HELQ: variants seen among roughly 807,000 people sequenced by gnomAD.
The protein encoded by HELQ is helicase POLQ-like.
In HELQ, 77 loss-of-function variants were observed where a neutral mutation model predicts 111.6. That is an observed-to-expected ratio of 0.69 (90% confidence interval 0.57 to 0.83). The LOEUF is 0.83. HELQ is among the 40% of genes least tolerant of loss of function. The pLI is 0.00. For missense variants in HELQ, 1,200 were observed against 1,288.5 expected, an observed-to-expected ratio of 0.93 and a Z score of 1.05; for synonymous variants, 438 against 454.7, an observed-to-expected ratio of 0.96 and a Z score of 0.47.
chr4:83,426,752 G>C (rs529872876), intron 13 of HELQ, among the ~76,000 whole-genome samples: 1 of 152,198 alleles, frequency 6.6e-6, no homozygotes, highest in East Asian at 1.9e-4. Context: ...TTTTAGAAGA[G>C]ACGGGGTTTC....
chr4:83,412,400 A>G (rs1034331430), intron 17 of HELQ, among the ~76,000 whole-genome samples: 2 of 152,204 alleles, frequency 1.3e-5, no homozygotes, highest in African/African-American at 4.8e-5. Flanking sequence ...TTCCTGGCTC[A>G]TAACTCCCAC....
chr4:83,429,506 ATT>A lies in HELQ; in HGVS notation c.2518+16_2518+17del. The stretch of plus-strand genomic sequence containing the variant: ...CAATGTGTTTCCTATGATCAATAAG[ATT>A]TAGGTAAACTCTTACCCTTAAATGA... On this transcript the variant is annotated intron_variant, in intron 12 of 17. Coordinates refer to ENST00000295488, the MANE Select transcript of HELQ (RefSeq NM_133636.5). 1 of 1,475,064 alleles carries A rather than the reference ATT, an allele frequency of 6.8e-7. No homozygotes were observed. Among genetic ancestry groups the A allele is most frequent in the Non-Finnish European group, 9.4e-7 (1 of 1,065,348 alleles). 91.4% of individuals were successfully genotyped at this position (1,475,064 alleles called of 1,614,324 possible). A position where few individuals can be genotyped will look rare whatever the true frequency, so the allele number is the denominator to read the frequency against.
intron 11 of HELQ, among the ~76,000 whole-genome samples, chr4:83,430,146 A>G (rs1720062652): frequency 6.6e-6 from 1 of 151,518 alleles, no homozygotes; most frequent in Non-Finnish European, 1.5e-5. Flanking sequence ...TTTAGCTCTA[A>G]AAGTTGCATT....
rs1738849542 is a variant in HELQ at position 83,407,365 on chromosome 4, T to C, written c.*88A>G. The C allele has an allele frequency of 1.3e-6, 1 of 771,886 alleles. No individual in the cohort carries two copies. The highest frequency in any genetic ancestry group is 1.8e-5 in the African/African-American group (1 of 55,162). 47.8% of individuals were successfully genotyped at this position (771,886 alleles called of 1,614,324 possible). On this transcript the variant is annotated 3_prime_UTR_variant, in exon 18 of 18. Transcript: ENST00000295488. Reference sequence around the variant, plus strand: ...TAGTTCTTAATGTATAACTGAAATGTATTTTTTCATTTATAAAGTATAAGT... The same window carrying C: ...TAGTTCTTAATGTATAACTGAAATGCATTTTTTCATTTATAAAGTATAAGT...
At chr4:83,454,355 A>G (rs925400336) in intron 1 of HELQ, among the ~76,000 whole-genome samples, 4 of 152,188 alleles carry the variant, frequency 2.6e-5, no homozygotes, top group African/African-American at 9.7e-5. Flanking sequence ...CAAAGAGGTT[A>G]AATTACTTGC....
At chr4:83,440,641 C>T (rs1297707242) in intron 7 of HELQ, among the ~76,000 whole-genome samples, 2 of 152,176 alleles carry the variant, frequency 1.3e-5, no homozygotes, top group Non-Finnish European at 2.9e-5. Flanking sequence ...TCATACAAGT[C>T]ATAAAACACT....
chr4:83,451,182 A>G (rs768916089), intron 2 of HELQ, among the ~76,000 whole-genome samples: 3 of 152,212 alleles, frequency 2.0e-5, no homozygotes, highest in Non-Finnish European at 4.4e-5. Context: ...TACCAATGTA[A>G]TTACTGACAA....
At chr4:83,438,744 T>C (rs1290844754) in intron 8 of HELQ, among the ~76,000 whole-genome samples, 2 of 68,076 alleles carry the variant, frequency 2.9e-5, no homozygotes, top group African/African-American at 2.0e-4. Context: ...AGACCCTGTC[T>C]CAGGAAAAAA....
At chr4:83,441,770 C>CTTTTTTT (rs34655032) in intron 6 of HELQ, among the ~76,000 whole-genome samples, 3 of 123,866 alleles carry the variant, frequency 2.4e-5, no homozygotes, top group Non-Finnish European at 5.1e-5. Flanking sequence ...AAAACTTTGT[C>CTTTTTTT]TTTTTTTTTT....
intron 9 of HELQ, among the ~76,000 whole-genome samples, chr4:83,435,006 T>A (rs1311274550): frequency 6.6e-6 from 1 of 152,182 alleles, no homozygotes; most frequent in Non-Finnish European, 1.5e-5. Flanking sequence ...CTAAGCCCTA[T>A]GAATGAAAAG....
chr4:83,441,770 CT>C (rs34655032), intron 6 of HELQ, among the ~76,000 whole-genome samples: 25,577 of 123,744 alleles, frequency 0.21, 1,932 homozygotes, highest in East Asian at 0.31. Context: ...AAAACTTTGT[CT>C]TTTTTTTTTT....
Position 83,448,811 on chromosome 4 carries a change from A to G in HELQ, c.1163T>C (p.Leu388Pro). 1 of 1,613,764 alleles carries G rather than the reference A, an allele frequency of 6.2e-7. No individual in the cohort carries two copies. The highest frequency in any genetic ancestry group is 8.5e-7 in the Non-Finnish European group (1 of 1,179,894). The change falls in exon 3 of 18, where the codon CTT (leucine) becomes CCT (proline). Residue 388 changes from leucine to proline, a missense_variant. Transcript: ENST00000295488. ...TTCTTGGACAATTGCCACATATGGA[A>G]GAATCATTAAAACATCTTTCCGACA... ...LCCRKDVLMI[L>P]PYVAIVQEKI... is the part of the protein sequence containing the mutation.
chr4:83,455,801 GAA>G lies in HELQ; in HGVS notation c.-110_-109del, dbSNP rs1721764189. 1.8e-6 allele frequency: 2 copies of G among 1,123,422 alleles called. No homozygotes were observed. The highest frequency in any genetic ancestry group is 3.1e-5 in the African/African-American group (2 of 64,836). 69.6% of individuals were successfully genotyped at this position (1,123,422 alleles called of 1,614,324 possible). A position where few individuals can be genotyped will look rare whatever the true frequency, so the allele number is the denominator to read the frequency against. ...GAGCCCGCTTCTACATCCACCTTGG[GAA>G]AAGACCCCAAGTTAGCTCTCAGGGC... On this transcript the variant is annotated 5_prime_UTR_variant, in exon 1 of 18. Coordinates refer to ENST00000295488, the MANE Select transcript of HELQ (RefSeq NM_133636.5).
Position 83,432,216 on chromosome 4 carries a change from T to A in HELQ, c.2100A>T (p.Gln700His), listed in dbSNP as rs774051004. ...CAGCTCTGCCAATCATCTGTTTATATTGATTCCTCTTTAAAAATTCCTTAG... is the reference window on the plus strand; with the variant it reads ...CAGCTCTGCCAATCATCTGTTTATAATGATTCCTCTTTAAAAATTCCTTAG... ...YVAKEFLKRN[Q>H]YKQMIGRAGR... The change falls in exon 10 of 18, where the codon CAA (glutamine) becomes CAT (histidine). Residue 700 changes from glutamine to histidine, a missense_variant. Around this residue, in one of 3 missense-constraint regions of HELQ, gnomAD observed 585 missense variants for 665.3 expected, o/e 0.88. Transcript: ENST00000295488. 6.3e-7 allele frequency: 1 copy of A among 1,590,648 alleles called. No homozygotes were observed.
At chr4:83,427,742 T>C in intron 12 of HELQ, 22 bp from the exon 13 acceptor site, 2 of 1,450,570 alleles carry the variant, frequency 1.4e-6, no homozygotes, top group South Asian at 2.9e-5. Flanking sequence ...ATACAAATAT[T>C]CAATCTTTCA....
intron 16 of HELQ, 46 bp from the exon 17 acceptor site, chr4:83,416,911 A>G (rs1739393108): frequency 1.3e-6 from 2 of 1,534,970 alleles, no homozygotes; most frequent in African/African-American, 1.4e-5. Flanking sequence ...TTGGGATTAG[A>G]AAAAAGAAAA....
chr4:83,413,836 G>A (rs910574712), intron 17 of HELQ, among the ~76,000 whole-genome samples: 8 of 152,202 alleles, frequency 5.3e-5, no homozygotes, highest in Non-Finnish European at 1.0e-4. Flanking sequence ...AAAAGCCCCA[G>A]TTGCCTCCAA....
At chr4:83,415,998 G>A (rs962978924) in intron 17 of HELQ, among the ~76,000 whole-genome samples, 13 of 150,082 alleles carry the variant, frequency 8.7e-5, no homozygotes, top group South Asian at 6.3e-4. Flanking sequence ...CCAGGCTGGA[G>A]TGCAGTGGTA....
intron 17 of HELQ, among the ~76,000 whole-genome samples, chr4:83,409,237 C>T (rs1383575760): frequency 1.3e-5 from 2 of 152,044 alleles, no homozygotes; most frequent in East Asian, 1.9e-4. Flanking sequence ...CAGTTCTCAT[C>T]TATACAAAAC....
Sources: allele counts gnomAD v4.1 joint callset (sites outside exome capture counted in the v4.1 genomes callset), GRCh38; gene constraint gnomAD v4.1.1; regional missense constraint gnomAD v4.1.1; transcripts MANE v1.5; gene names NCBI Gene and HGNC (gene_info 2026-07-23, HGNC 2026-07-21).